The following TRPV2 variants were observed in gnomAD, a reference collection of about 807,000 sequenced individuals.
TRPV2 encodes OTRPC2.
In TRPV2, 58 loss-of-function variants were observed where a neutral mutation model predicts 91.0. The observed-to-expected ratio is 0.64, with a 90% CI of 0.52 to 0.79. TRPV2 has a LOEUF of 0.79. Among genes scored for constraint, TRPV2 ranks in the 30% least tolerant of loss-of-function variants. The pLI is 0.00. For synonymous variants in TRPV2, 417 were observed against 414.8 expected, an observed-to-expected ratio of 1.01 and a Z score of -0.06; for missense variants, 807 against 969.6, an observed-to-expected ratio of 0.83 and a Z score of 2.23.
At chr17:16,430,989 T>C (rs901426526) in intron 10 of TRPV2, among the ~76,000 whole-genome samples, 1 of 151,844 alleles carries the variant, frequency 6.6e-6, no homozygotes, top group Non-Finnish European at 1.5e-5. Context: ...AGAAGTGGAA[T>C]TGCTGGGTCA....
chr17:16,429,868 T>C (rs2093401791), intron 10 of TRPV2, among the ~76,000 whole-genome samples: 1 of 151,364 alleles, frequency 6.6e-6, no homozygotes, highest in Non-Finnish European at 1.5e-5. Flanking sequence ...CATGGAACTT[T>C]TTTTTTTTTC....
Position 16,426,676 on chromosome 17 carries a change from T to C in TRPV2, c.1096-46T>C, listed in dbSNP as rs1374294766. On this transcript the variant is annotated intron_variant, in intron 6 of 14. Transcript: ENST00000338560. The surrounding 1 kb of genome is among the most constrained non-coding windows in gnomAD (Gnocchi z 6.0). ...ATCTTGACATGGAGTGGGCAGCCTA[T>C]TTGCACTTGTTGAGTGTACCCATGG... 5.0e-6 allele frequency: 8 copies of C among 1,587,452 alleles called. No individual in the cohort carries two copies. Among genetic ancestry groups the C allele is most frequent in the South Asian group, 1.2e-5 (1 of 86,246 alleles).
chr17:16,417,777 C>A lies in TRPV2; in HGVS notation c.109C>A (p.Pro37Thr). 6.2e-7 allele frequency: 1 copy of A among 1,614,172 alleles called. No individual in the cohort carries two copies. Among genetic ancestry groups the A allele is most frequent in the African/African-American group, 1.3e-5 (1 of 75,038 alleles). The stretch of plus-strand genomic sequence containing the variant: ...AAAGCTGGATTTTGGGAGCGGGCTG[C>A]CTCCCATGGAGTCACAGTTCCAGGG... ...RGKLDFGSGL[P>T]PMESQFQGED... The change falls in exon 2 of 15, where the codon CCT (proline) becomes ACT (threonine). Residue 37 changes from proline (P) to threonine (T), a missense_variant. Physicochemically the swap from Pro to Thr is conservative, Grantham distance 38 (BLOSUM62 -1). Transcript: ENST00000338560.
intron 8 of TRPV2, among the ~76,000 whole-genome samples, chr17:16,427,848 G>A (rs1399192080): frequency 2.0e-5 from 3 of 152,186 alleles, no homozygotes; most frequent in Non-Finnish European, 4.4e-5. Context: ...CCCTCGGCTG[G>A]GAAGCTCCCC....
At chr17:16,427,073 T>C (rs1412958492) in intron 7 of TRPV2, among the ~76,000 whole-genome samples, 196 bp downstream of exon 7, 1 of 152,138 alleles carries the variant, frequency 6.6e-6, no homozygotes, top group Non-Finnish European at 1.5e-5. Context: ...GAAAAAGGAT[T>C]CTAGGTGATG....
chr17:16,430,487 CT>C (rs576176898), intron 10 of TRPV2, among the ~76,000 whole-genome samples: 161 of 80,402 alleles, frequency 2.0e-3, no homozygotes, highest in Middle Eastern at 6.5e-3. Flanking sequence ...AAATGCCTTC[CT>C]TTTTTTTTTT....
At chr17:16,431,285 ATACATATTTTTTTTTTT>A (rs1343159978) in intron 10 of TRPV2, among the ~76,000 whole-genome samples, 1 of 43,686 alleles carries the variant, frequency 2.3e-5, no homozygotes, top group Non-Finnish European at 4.8e-5. Flanking sequence ...ATATATATAT[ATACATATTTTTTTTTTT>A]TTTTTTTTTG....
intron 1 of TRPV2, chr17:16,416,261 T>A (rs573734541): frequency 3.3e-5 from 5 of 152,538 alleles, no homozygotes; most frequent in Non-Finnish European, 7.3e-5. Context: ...CCCACCCGGG[T>A]CCCCAGGGCC....
intron 5 of TRPV2, among the ~76,000 whole-genome samples, chr17:16,425,385 TAA>T (rs2093378394): frequency 6.6e-6 from 1 of 152,130 alleles, no homozygotes; most frequent in Non-Finnish European, 1.5e-5. Flanking sequence ...GTAGGAAGAG[TAA>T]ACATGAGGCA....
chr17:16,436,718 C>G (rs555442399), intron 14 of TRPV2, 71 bp from the exon 15 acceptor site: 2 of 1,128,774 alleles, frequency 1.8e-6, no homozygotes, highest in East Asian at 4.7e-5. Context: ...ACTGTGGCCC[C>G]GTTTCCCTGG....
At position 16,433,678 on chromosome 17, in the gene TRPV2, C is replaced by G. The variant is rs14039; in HGVS notation, c.2094C>G (p.Pro698=). Residue 698 remains proline (P), a synonymous_variant, in exon 13 of 15, where the codon CCC becomes CCG. Transcript: ENST00000338560. ...TTGGCACTAAGCCAGATGGCAGCCC[C>G]GATGAGCGCTGGTGCTTCAGGTGAG... is the stretch of plus-strand genomic sequence containing the variant. The part of the protein sequence containing the change: ...LTVGTKPDGS[P]DERWCFRVEE... The G allele has an allele frequency of 0.36, 583,429 of 1,613,606 alleles. 107,578 individuals carry two copies. Among genetic ancestry groups the G allele is most frequent in the Non-Finnish European group, 0.37 (442,008 of 1,179,878 alleles).
At chr17:16,431,363 G>A (rs1298986044) in intron 10 of TRPV2, among the ~76,000 whole-genome samples, 3 of 130,274 alleles carry the variant, frequency 2.3e-5, no homozygotes, top group East Asian at 2.3e-4. Context: ...GTGTGATCTC[G>A]GCTCACCACA....
rs1441148796 is a variant in TRPV2, at chr17:16,417,809, C to T, written c.141C>T (p.Asp47=). 1 of 1,614,162 alleles carries T rather than the reference C, an allele frequency of 6.2e-7. No individual in the cohort carries two copies. Among genetic ancestry groups the T allele is most frequent in the South Asian group, 1.1e-5 (1 of 91,088 alleles). ...PPMESQFQGE[D]RKFAPQIRVN... ...TGGAGTCACAGTTCCAGGGCGAGGA[C>T]CGGAAATTCGCCCCTCAGATAAGAG... is the stretch of plus-strand genomic sequence containing the variant. Residue 47 remains aspartate, a synonymous_variant, in exon 2 of 15, where the codon GAC becomes GAT. Transcript: ENST00000338560.
chr17:16,431,957 A>G lies in TRPV2; in HGVS notation c.1655-9A>G. The G allele has an allele frequency of 6.2e-7, 1 of 1,608,364 alleles. No individual in the cohort carries two copies. Among genetic ancestry groups the G allele is most frequent in the South Asian group, 1.1e-5 (1 of 90,420 alleles). On this transcript the variant is annotated splice_polypyrimidine_tract_variant and intron_variant, in intron 11 of 14. Transcript: ENST00000338560. ...CTGGGCTAAGGACCCCTCTCCCTTC[A>G]TCCCATAGCCCTGGTGAGCCTGAGC...
At chr17:16,419,460 G>T in intron 2 of TRPV2, 1 of 469,702 alleles carries the variant, frequency 2.1e-6, no homozygotes, top group Admixed American at 2.4e-5. Flanking sequence ...GAATCTCTCT[G>T]GGGATTCAGA....
rs2093384085 is a variant in TRPV2, at chr17:16,426,554, C to T, written c.1096-168C>T. Among the ~76,000 whole-genome samples, 1 of 152,236 alleles carries T rather than the reference C, an allele frequency of 6.6e-6. No individual in the cohort carries two copies. Among genetic ancestry groups the T allele is most frequent in the Non-Finnish European group, 1.5e-5 (1 of 68,038 alleles). On this transcript the variant is annotated intron_variant, in intron 6 of 14. Coordinates refer to ENST00000338560, the MANE Select transcript of TRPV2 (RefSeq NM_016113.5). The surrounding 1 kb of genome is among the most constrained non-coding windows in gnomAD (Gnocchi z 6.0). ...TTGGAGGGCAAGCCCCTTAGTCACA[C>T]TGTAGCTGGGAGGGTTGGCGTGAGG...
chr17:16,433,624 G>T lies in TRPV2; in HGVS notation c.2040G>T (p.Lys680Asn), dbSNP rs1357423719. Residue 680 changes from lysine (K) to asparagine (N), a missense_variant, in exon 13 of 15, where the codon AAG becomes AAT. Coordinates refer to ENST00000338560, the MANE Select transcript of TRPV2 (RefSeq NM_016113.5). ...AGAATGGCTATTGGTGGTGCAGGAA[G>T]AAGCAGCGGGCAGGTGTGATGCTGA... ...EMENGYWWCR[K>N]KQRAGVMLTV... 2 of 1,614,096 alleles carry T rather than the reference G, an allele frequency of 1.2e-6. No individual in the cohort carries two copies. Among genetic ancestry groups the T allele is most frequent in the African/African-American group, 1.3e-5 (1 of 74,940 alleles).
Position 16,426,900 on chromosome 17 carries a change from G to A in TRPV2, c.1251+23G>A. ...AAGGCAAGGGCGTGAGGTTTGGGGG[G>A]GCACATCTTGGGGGAGGCCTGCTTG... On this transcript the variant is annotated intron_variant, in intron 7 of 14. Transcript: ENST00000338560. The surrounding 1 kb of genome is among the most constrained non-coding windows in gnomAD (Gnocchi z 6.0). 2 of 1,601,662 alleles carry A rather than the reference G, an allele frequency of 1.2e-6. No homozygotes were observed. Among genetic ancestry groups the A allele is most frequent in the Admixed American group, 1.7e-5 (1 of 58,960 alleles).
At position 16,426,596 on chromosome 17, in the gene TRPV2, G is replaced by A. The variant is rs970508243; in HGVS notation, c.1096-126G>A. 6 of 1,148,288 alleles carry A rather than the reference G, an allele frequency of 5.2e-6. No homozygotes were observed. In the Admixed American group the frequency reaches 1.1e-4, roughly 21 times the overall value. The allele number at this position is 1,148,288 out of a possible 1,614,324, so 71.1% of individuals were successfully genotyped here. A position where few individuals can be genotyped will look rare whatever the true frequency, so the allele number is the denominator to read the frequency against. On this transcript the variant is annotated intron_variant, in intron 6 of 14. Transcript: ENST00000338560. This position sits in a 1 kb window ranked among gnomAD's most constrained non-coding sequence, Gnocchi z 6.0. ...GGCGTGAGGTCCTTTGGGGCTCCTG[G>A]GGTGTGGAAGCCTGCTCCCTGTCCT... is the stretch of plus-strand genomic sequence containing the variant.
Sources: gnomAD v4.1 joint callset for allele counts (sites outside exome capture counted in the v4.1 genomes callset) on GRCh38, gnomAD v4.1.1 for gene constraint, Gnocchi (gnomAD v3.1) non-coding constraint, MANE v1.5 for transcripts, NCBI Gene and HGNC (gene_info 2026-07-23, HGNC 2026-07-21) for gene names.